MTHFD2L: variants seen among roughly 807,000 people sequenced by gnomAD.
MTHFD2L encodes methylenetetrahydrofolate dehydrogenase (NADP+ dependent) 2 like, also known as bifunctional methylenetetrahydrofolate dehydrogenase/cyclohydrolase 2, mitochondrial.
MTHFD2L carries 29 observed loss-of-function variants against 34.9 expected under a neutral mutation model. The observed-to-expected ratio is 0.83, with a 90% CI of 0.62 to 1.13. MTHFD2L has a LOEUF of 1.13. Ranked by LOEUF, MTHFD2L falls within the 50% of genes most tolerant of loss-of-function variation. MTHFD2L has a pLI of 0.00. For synonymous variants in MTHFD2L, 167 were observed against 155.7 expected, an observed-to-expected ratio of 1.07 and a Z score of -0.54; for missense variants, 481 against 446.5, an observed-to-expected ratio of 1.08 and a Z score of -0.70.
intron 6 of MTHFD2L, among the ~76,000 whole-genome samples, chr4:74,270,301 A>C (rs1745796238): frequency 1.3e-5 from 2 of 151,858 alleles, no homozygotes; most frequent in Non-Finnish European, 2.9e-5. Flanking sequence ...GGTATATCTC[A>C]TAATGTTTTC....
intron 1 of MTHFD2L, among the ~76,000 whole-genome samples, chr4:74,139,942 T>C (rs1484828883): frequency 6.6e-6 from 1 of 152,196 alleles, no homozygotes; most frequent in Admixed American, 6.5e-5. Context: ...GTCAAGCTCC[T>C]TAATGTCTTT....
intron 2 of MTHFD2L, chr4:74,114,678 C>T (rs1362538416): frequency 2.6e-5 from 4 of 152,180 alleles, no homozygotes; most frequent in African/African-American, 9.7e-5. Context: ...TAACCTCTCT[C>T]TTACCAATGG....
At chr4:74,176,052 C>T (rs1055622749) in intron 3 of MTHFD2L, among the ~76,000 whole-genome samples, 1 of 152,008 alleles carries the variant, frequency 6.6e-6, no homozygotes, top group Non-Finnish European at 1.5e-5. Context: ...TGTGAAATTT[C>T]TCTGAGAGTT....
chr4:74,150,802 CAT>C (rs1200268598), intron 1 of MTHFD2L, among the ~76,000 whole-genome samples: 2 of 151,626 alleles, frequency 1.3e-5, no homozygotes, highest in Admixed American at 6.6e-5. Flanking sequence ...TAAATATATA[CAT>C]GTGACACTTT....
At chr4:74,252,864 G>C (rs1743508030) in intron 6 of MTHFD2L, among the ~76,000 whole-genome samples, 1 of 152,020 alleles carries the variant, frequency 6.6e-6, no homozygotes, top group Admixed American at 6.5e-5. Flanking sequence ...AAAGATGTGA[G>C]TCCTGAGTTT....
upstream of MTHFD2L, among the ~76,000 whole-genome samples, chr4:74,119,680 G>T (rs1176877093): frequency 6.6e-6 from 1 of 152,098 alleles, no homozygotes; most frequent in Non-Finnish European, 1.5e-5. Context: ...CTACTCAGGA[G>T]GCTGAAGCAG....
At chr4:74,175,090 G>T (rs1728769376) in intron 2 of MTHFD2L, among the ~76,000 whole-genome samples, 191 bp from the exon 3 acceptor site, 1 of 152,076 alleles carries the variant, frequency 6.6e-6, no homozygotes, top group South Asian at 2.1e-4. Flanking sequence ...TTGTCACCTG[G>T]CATTCCAGGC....
intron 3 of MTHFD2L, among the ~76,000 whole-genome samples, chr4:74,196,648 G>A (rs1252996295): frequency 2.6e-5 from 4 of 151,610 alleles, no homozygotes; most frequent in Non-Finnish European, 5.9e-5. Context: ...TAAATACATC[G>A]CAAAAATATG....
chr4:74,125,271 G>A (rs1721990783), upstream of MTHFD2L, among the ~76,000 whole-genome samples: 1 of 152,118 alleles, frequency 6.6e-6, no homozygotes, highest in Non-Finnish European at 1.5e-5. Context: ...TGCAATCAGT[G>A]GCCTTTGGAA....
chr4:74,179,380 T>C (rs770852123), intron 3 of MTHFD2L, among the ~76,000 whole-genome samples: 3 of 152,138 alleles, frequency 2.0e-5, no homozygotes, highest in Non-Finnish European at 2.9e-5. Flanking sequence ...TGCTCAATAA[T>C]GGTATTCCTA....
chr4:74,124,679 CT>C (rs1163614799), upstream of MTHFD2L, among the ~76,000 whole-genome samples: 1 of 151,944 alleles, frequency 6.6e-6, no homozygotes, highest in Non-Finnish European at 1.5e-5. Flanking sequence ...GAGTTGTGCC[CT>C]TTGATGAAAG....
chr4:74,239,611 A>T (rs567459814), intron 6 of MTHFD2L, among the ~76,000 whole-genome samples: 2 of 152,290 alleles, frequency 1.3e-5, no homozygotes, highest in South Asian at 4.1e-4. Context: ...AAATGTGAGA[A>T]TTAACGAGTA....
At chr4:74,237,953 G>A (rs1323730709) in intron 6 of MTHFD2L, among the ~76,000 whole-genome samples, 2 of 152,138 alleles carry the variant, frequency 1.3e-5, no homozygotes, top group Non-Finnish European at 1.5e-5. Context: ...AGGTGAAGTC[G>A]TCATTCCAAT....
At chr4:74,267,030 C>T (rs1220704906) in intron 6 of MTHFD2L, 2 of 985,278 alleles carry the variant, frequency 2.0e-6, no homozygotes, top group Non-Finnish European at 2.4e-6. Flanking sequence ...GCAGAGCTCC[C>T]CTCTACCTCT....
At chr4:74,257,861 C>G (rs2110214430) in intron 6 of MTHFD2L, among the ~76,000 whole-genome samples, 1 of 152,156 alleles carries the variant, frequency 6.6e-6, no homozygotes, top group Admixed American at 6.5e-5. Flanking sequence ...GTAAGTCATA[C>G]AACTCATTAG....
intron 6 of MTHFD2L, among the ~76,000 whole-genome samples, chr4:74,255,203 T>C (rs950126665): frequency 1.3e-5 from 2 of 150,080 alleles, no homozygotes; most frequent in African/African-American, 4.9e-5. Flanking sequence ...ATGTAAATTG[T>C]GACATCAGTA....
Position 74,158,274 on chromosome 4 carries a change from G to T in MTHFD2L, c.136G>T (p.Gly46Cys). Residue 46 changes from glycine to cysteine, a missense_variant, in exon 1 of 8, where the codon GGT becomes TGT. Physicochemically the swap from Gly to Cys is radical, Grantham distance 159. Transcript: ENST00000325278. The stretch of plus-strand genomic sequence containing the variant: ...TGCGTTCCGGGGCTTTCGGAGCAGC[G>T]GTGTGAGGTACGAGGGCTGCGGGCG... ...GSAFRGFRSSGVRHEAIIISG... is the reference protein window; with the variant it reads ...GSAFRGFRSSCVRHEAIIISG... The T allele has an allele frequency of 7.1e-7, 1 of 1,416,976 alleles. No individual in the cohort carries two copies. The highest frequency in any genetic ancestry group is 1.5e-5 in the African/African-American group (1 of 66,204). The allele number at this position is 1,416,976 out of a possible 1,614,324, so 87.8% of individuals were successfully genotyped here. A position where few individuals can be genotyped will look rare whatever the true frequency, so the allele number is the denominator to read the frequency against.
At chr4:74,282,597 G>A (rs1362581621) in intron 7 of MTHFD2L, among the ~76,000 whole-genome samples, 1 of 152,060 alleles carries the variant, frequency 6.6e-6, no homozygotes, top group East Asian at 1.9e-4. Flanking sequence ...GAGATTCTAA[G>A]ATACATCAGG....
chr4:74,183,647 A>T (rs900570070), intron 3 of MTHFD2L: 3 of 152,088 alleles, frequency 2.0e-5, no homozygotes, highest in Non-Finnish European at 2.9e-5. Context: ...GCAAGACTCC[A>T]TCTCAACAAC....
Sources: allele counts gnomAD v4.1 joint callset (sites outside exome capture counted in the v4.1 genomes callset), GRCh38; gene constraint gnomAD v4.1.1; transcripts MANE v1.5; gene names NCBI Gene and HGNC (gene_info 2026-07-23, HGNC 2026-07-21).